PDZD8: variants seen among roughly 807,000 people sequenced by gnomAD.
PDZD8 encodes the protein PDZ domain containing 8.
In PDZD8, 14 loss-of-function variants were observed where a neutral mutation model predicts 85.8. The observed-to-expected ratio is 0.16, with a 90% confidence interval of 0.11 to 0.26. The LOEUF (loss-of-function observed/expected upper bound fraction) is 0.26, where lower values mean the gene tolerates loss of function less well. Ranked by LOEUF, PDZD8 falls within the 10% of genes least tolerant of loss-of-function variation. The pLI, the probability that PDZD8 is intolerant of heterozygous loss-of-function variation, is 1.00. For synonymous variants in PDZD8, 592 were observed against 568.6 expected (o/e 1.04, Z -0.59); for missense variants, 1,197 against 1,424.3 (o/e 0.84, Z 2.57).
intron 1 of PDZD8, among the ~76,000 whole-genome samples, chr10:117,358,777 A>G (rs1398622185): frequency 1.3e-5 from 2 of 152,218 alleles, no homozygotes; most frequent in African/African-American, 4.8e-5. Context: ...GAATACTAAT[A>G]ATAATAGCAC....
chr10:117,277,370 G>C lies in PDZD8; in HGVS notation c.*5898C>G. The C allele has an allele frequency of 3.2e-6, 2 of 622,304 alleles. No homozygotes were observed. Among genetic ancestry groups the C allele is most frequent in the Non-Finnish European group, 2.7e-6 (1 of 374,740 alleles). 38.5% of individuals were successfully genotyped at this position (622,304 alleles called of 1,614,324 possible). ...CTTAGTCATACCATCCATCCCTGGT[G>C]AAAGAGTAAAACCAAAGGTTATTAT... On this transcript the variant is annotated 3_prime_UTR_variant, in exon 5 of 5. Coordinates refer to ENST00000334464, the MANE Select transcript of PDZD8 (RefSeq NM_173791.5).
intron 1 of PDZD8, among the ~76,000 whole-genome samples, chr10:117,361,614 T>C (rs1431213957): frequency 1.3e-5 from 2 of 152,210 alleles, no homozygotes. Context: ...CTTCTTTAGC[T>C]AGTCAGGTGT....
intron 3 of PDZD8, 51 bp from the exon 4 acceptor site, chr10:117,290,399 T>A: frequency 3.5e-6 from 5 of 1,439,072 alleles, no homozygotes; most frequent in African/African-American, 2.8e-5. Flanking sequence ...TTCCTAGTAA[T>A]AGAGGAAAAA....
In PDZD8 at chr10:117,359,660, G is replaced by A. The variant is rs745451765; in HGVS notation, c.872+14696C>T. 7.3e-4 allele frequency among the ~76,000 whole-genome samples: 110 copies of A among 151,568 alleles called. 1 individual carries two copies. Among genetic ancestry groups the A allele is most frequent in the Non-Finnish European group, 1.3e-3 (88 of 67,932 alleles). On this transcript the variant is annotated intron_variant, in intron 1 of 4. Transcript: ENST00000334464. The stretch of plus-strand genomic sequence containing the variant: ...CAGGAGGCAGAGGTTGCAGTAAGCC[G>A]AGGTCGCACCACTACACTCCAACCT...
intron 1 of PDZD8, among the ~76,000 whole-genome samples, chr10:117,341,416 AAG>A (rs1279667182): frequency 1.3e-5 from 2 of 152,170 alleles, no homozygotes; most frequent in Non-Finnish European, 2.9e-5. Context: ...ACCAGATGGG[AAG>A]AGTGTTCCTA....
At chr10:117,329,080 A>G (rs1393256342) in intron 2 of PDZD8, among the ~76,000 whole-genome samples, 1 of 152,248 alleles carries the variant, frequency 6.6e-6, no homozygotes, top group African/African-American at 2.4e-5. Context: ...TTACAGTTCA[A>G]TCTTAAACAA....
intron 2 of PDZD8, among the ~76,000 whole-genome samples, chr10:117,321,675 ATAAG>A (rs1844227461): frequency 6.6e-6 from 1 of 152,212 alleles, no homozygotes; most frequent in African/African-American, 2.4e-5. Flanking sequence ...GAAAGAAAAA[ATAAG>A]TAAGCGTAAC....
intron 1 of PDZD8, among the ~76,000 whole-genome samples, chr10:117,349,724 G>A (rs1844771115): frequency 6.6e-6 from 1 of 152,082 alleles, no homozygotes; most frequent in African/African-American, 2.4e-5. Flanking sequence ...GATCATTTGA[G>A]CCTGGGAGAT....
chr10:117,373,604 C>CAAAAAAAAAAAAAAA (rs796930758), intron 1 of PDZD8, among the ~76,000 whole-genome samples: 5 of 52,426 alleles, frequency 9.5e-5, no homozygotes, highest in African/African-American at 3.4e-4. Context: ...CTAAAAAATA[C>CAAAAAAAAAAAAAAA]AAAAAAAAAA....
chr10:117,341,125 T>C (rs1296371505), intron 1 of PDZD8, 23 bp from the exon 2 acceptor site: 1 of 1,606,742 alleles, frequency 6.2e-7, no homozygotes, highest in Non-Finnish European at 8.5e-7. Context: ...AAGATAAGTC[T>C]AAATGTCTGA....
chr10:117,318,977 G>A lies in PDZD8; in HGVS notation c.996-3C>T. 1 of 1,591,566 alleles carries A rather than the reference G, an allele frequency of 6.3e-7. No individual in the cohort carries two copies. The highest frequency in any genetic ancestry group is 8.6e-7 in the Non-Finnish European group (1 of 1,160,700). On this transcript the variant is annotated splice_region_variant and splice_polypyrimidine_tract_variant and intron_variant, in intron 2 of 4. Transcript: ENST00000334464. ...CATAGGATCCAAAAATGAGTAACCT[G>A]CAGAATAAAACAAAACAAGGGAGAG...
intron 1 of PDZD8, among the ~76,000 whole-genome samples, chr10:117,371,564 C>T (rs1477185989): frequency 6.6e-6 from 1 of 152,188 alleles, no homozygotes; most frequent in Non-Finnish European, 1.5e-5. Flanking sequence ...TTTTCATCGT[C>T]ATACTTGCTA....
intron 3 of PDZD8, among the ~76,000 whole-genome samples, chr10:117,317,532 T>C (rs1472909748): frequency 6.6e-6 from 1 of 152,200 alleles, no homozygotes. Flanking sequence ...GTCTTACCAA[T>C]TTTTGCTATA....
intron 3 of PDZD8, among the ~76,000 whole-genome samples, chr10:117,302,123 A>C (rs1029786048): frequency 6.6e-6 from 1 of 152,244 alleles, no homozygotes; most frequent in African/African-American, 2.4e-5. Flanking sequence ...TTCTGGTATC[A>C]ATCTAATTTA....
chr10:117,353,708 G>T (rs1262975816), intron 1 of PDZD8, among the ~76,000 whole-genome samples: 3 of 145,862 alleles, frequency 2.1e-5, no homozygotes, highest in Non-Finnish European at 4.5e-5. Context: ...AGATGAACAA[G>T]AGTGGCCCTA....
intron 3 of PDZD8, among the ~76,000 whole-genome samples, chr10:117,308,732 G>T (rs180872610): frequency 1.2e-3 from 178 of 152,178 alleles, no homozygotes; most frequent in Middle Eastern, 3.4e-3. Context: ...TGTTTTTACT[G>T]CCAGCTAGCT....
In PDZD8 at chr10:117,299,950, G is replaced by C. The variant is rs147647495; in HGVS notation, c.1099-9602C>G. Among the ~76,000 whole-genome samples the C allele has an allele frequency of 1.2e-3, 189 of 152,226 alleles. 1 individual carries two copies. The highest frequency in any genetic ancestry group is 4.2e-3 in the African/African-American group (176 of 41,542). ...AATTACTATTGCACTTGTGTGCAGTGATCTTGTTGCCTACATTTTTAAAAC... is the reference window on the plus strand; with the variant it reads ...AATTACTATTGCACTTGTGTGCAGTCATCTTGTTGCCTACATTTTTAAAAC... On this transcript the variant is annotated intron_variant, in intron 3 of 4. Transcript: ENST00000334464.
intron 1 of PDZD8, among the ~76,000 whole-genome samples, chr10:117,355,821 A>G (rs1844883655): frequency 6.6e-6 from 1 of 152,198 alleles, no homozygotes; most frequent in South Asian, 2.1e-4. Flanking sequence ...CTATTTAATG[A>G]TATGACATAT....
chr10:117,325,239 C>G (rs1010040874), intron 2 of PDZD8, among the ~76,000 whole-genome samples: 2 of 151,904 alleles, frequency 1.3e-5, no homozygotes, highest in Non-Finnish European at 2.9e-5. Flanking sequence ...GCCCAGGAAA[C>G]TCAGGATATT....
Sources: gnomAD v4.1 joint callset for allele counts (sites outside exome capture counted in the v4.1 genomes callset) on GRCh38, gnomAD v4.1.1 for gene constraint, MANE v1.5 for transcripts, NCBI Gene and HGNC (gene_info 2026-07-23, HGNC 2026-07-21) for gene names.